The following MCTP2 variants were observed in gnomAD, a reference collection of about 807,000 sequenced individuals.
MCTP2 encodes the protein multiple C2 and transmembrane domain containing 2, also known as multiple C2 and transmembrane domain-containing protein 2.
MCTP2 carries 132 observed loss-of-function variants against 111.6 expected under a neutral mutation model. That is an observed-to-expected ratio of 1.18 (90% CI 1.03 to 1.37). The LOEUF is 1.37. Among genes scored for constraint, MCTP2 ranks in the 40% most tolerant of loss-of-function variants. The pLI, the probability that MCTP2 is intolerant of heterozygous loss-of-function variation, is 0.00. For synonymous variants in MCTP2, 395 were observed against 387.7 expected (o/e 1.02, Z -0.22); for missense variants, 1,183 against 1,067.9 (o/e 1.11, Z -1.50).
intron 21 of MCTP2, among the ~76,000 whole-genome samples, chr15:94,471,759 GAAA>G (rs200725385): frequency 7.6e-6 from 1 of 131,774 alleles, no homozygotes; most frequent in South Asian, 2.4e-4. Context: ...GGCATATTTT[GAAA>G]AAAAAAAAAA....
chr15:94,242,962 TGTATATGTGTATCTACAC>T (rs1219783644), intron 1 of MCTP2, among the ~76,000 whole-genome samples: 6 of 119,738 alleles, frequency 5.0e-5, no homozygotes, highest in African/African-American at 2.0e-4. Context: ...CATATACACG[TGTATATGTGTATCTACAC>T]ATACACGTGT....
chr15:94,339,184 A>G lies in MCTP2; in HGVS notation c.638-106A>G, dbSNP rs2077510714. ...TCTCCGAGCCCTTTAATCTCTGTGC[A>G]GGGAGACATTAGCCTGGGGAGTGGG... On this transcript the variant is annotated intron_variant, in intron 4 of 22. Transcript: ENST00000357742. 9.1e-6 allele frequency: 7 copies of G among 770,226 alleles called. No homozygotes were observed. The Admixed American group carries it at 1.4e-4, about 15-fold the overall frequency. The allele number at this position is 770,226 out of a possible 1,614,324, so 47.7% of individuals were successfully genotyped here.
chr15:94,254,478 A>G (rs73460092), intron 1 of MCTP2, among the ~76,000 whole-genome samples: 2 of 152,234 alleles, frequency 1.3e-5, no homozygotes, highest in African/African-American at 4.8e-5. Context: ...AGCTCTGTTA[A>G]CATTTGTGAG....
chr15:94,264,217 A>G (rs2073370588), intron 1 of MCTP2, among the ~76,000 whole-genome samples: 1 of 152,190 alleles, frequency 6.6e-6, no homozygotes, highest in Admixed American at 6.5e-5. Flanking sequence ...CTCTGGTTTC[A>G]GATGGCCTAG....
At chr15:94,452,327 A>G (rs1299229513) in intron 19 of MCTP2, among the ~76,000 whole-genome samples, 1 of 152,216 alleles carries the variant, frequency 6.6e-6, no homozygotes, top group African/African-American at 2.4e-5. Context: ...TGCTATTAGG[A>G]TGATTAAAAT....
At chr15:94,461,551 A>G (rs923435714) in intron 20 of MCTP2, among the ~76,000 whole-genome samples, 1 of 152,154 alleles carries the variant, frequency 6.6e-6, no homozygotes, top group African/African-American at 2.4e-5. Context: ...CATGTGTTCT[A>G]TCATTATGGA....
intron 1 of MCTP2, among the ~76,000 whole-genome samples, chr15:94,233,295 G>A (rs1488917945): frequency 1.3e-5 from 2 of 151,598 alleles, no homozygotes; most frequent in Non-Finnish European, 2.9e-5. Context: ...ATTTTGAAAG[G>A]CCTTTCAAAA....
At chr15:94,268,018 AC>A (rs1163515266) in intron 1 of MCTP2, among the ~76,000 whole-genome samples, 1 of 150,116 alleles carries the variant, frequency 6.7e-6, no homozygotes, top group Non-Finnish European at 1.5e-5. Context: ...GGTGCCCGCC[AC>A]CACACCTGGC....
At chr15:94,303,105 A>C (rs938718745) in intron 2 of MCTP2, among the ~76,000 whole-genome samples, 5 of 133,046 alleles carry the variant, frequency 3.8e-5, no homozygotes, top group African/African-American at 1.5e-4. Flanking sequence ...TATAGTTTAT[A>C]TATATATATA....
At position 94,356,305 on chromosome 15, in the gene MCTP2, A is replaced by G. The variant is rs1296250166; in HGVS notation, c.1170+4A>G. The stretch of plus-strand genomic sequence containing the variant: ...AGATCAGAGGTATAAAAGTAAGGTA[A>G]GTTCCATCTTTTCCATAAGGAGAAC... On this transcript the variant is annotated splice_donor_region_variant and intron_variant, in intron 9 of 22. Coordinates refer to ENST00000357742, the MANE Select transcript of MCTP2 (RefSeq NM_001385001.1). 6.3e-7 allele frequency: 1 copy of G among 1,576,286 alleles called. No individual in the cohort carries two copies. The highest frequency in any genetic ancestry group is 8.6e-7 in the Non-Finnish European group (1 of 1,163,844).
chr15:94,286,634 T>C (rs567760511), intron 1 of MCTP2, among the ~76,000 whole-genome samples: 2 of 152,350 alleles, frequency 1.3e-5, no homozygotes, highest in African/African-American at 4.8e-5. Flanking sequence ...ACCTCTTTCC[T>C]ACCTTGCGGT....
chr15:94,461,024 T>TGGGGGGG (rs142742586), intron 20 of MCTP2, among the ~76,000 whole-genome samples: 1 of 151,580 alleles, frequency 6.6e-6, no homozygotes, highest in Non-Finnish European at 1.5e-5. Flanking sequence ...TACTGATGGG[T>TGGGGGGG]TGGGGGGGAC....
intron 1 of MCTP2, among the ~76,000 whole-genome samples, chr15:94,235,447 C>T (rs2070475401): frequency 6.6e-6 from 1 of 152,068 alleles, no homozygotes; most frequent in African/African-American, 2.4e-5. Flanking sequence ...GATTCTGGTG[C>T]ATGCTAAAAT....
chr15:94,353,748 A>G (rs1028504791), intron 8 of MCTP2, among the ~76,000 whole-genome samples: 1 of 152,212 alleles, frequency 6.6e-6, no homozygotes, highest in African/African-American at 2.4e-5. Flanking sequence ...AAAAAAAGCA[A>G]AAGGAGGAAT....
intron 14 of MCTP2, among the ~76,000 whole-genome samples, chr15:94,388,565 A>G (rs909974217): frequency 2.6e-5 from 4 of 152,166 alleles, no homozygotes; most frequent in African/African-American, 4.8e-5. Flanking sequence ...GGATCATTCT[A>G]TTTTCAAATA....
intron 1 of MCTP2, among the ~76,000 whole-genome samples, chr15:94,272,595 C>T (rs1287472240): frequency 6.6e-6 from 1 of 152,178 alleles, no homozygotes; most frequent in African/African-American, 2.4e-5. Context: ...ATCTTCATTT[C>T]ACTAAATGGA....
intron 4 of MCTP2, among the ~76,000 whole-genome samples, chr15:94,320,139 ATC>A (rs755175155): frequency 8.5e-6 from 1 of 117,370 alleles, no homozygotes. Flanking sequence ...TAGTTTATTA[ATC>A]TTTTTTTTTT....
intron 9 of MCTP2, 135 bp from the exon 10 acceptor site, chr15:94,358,347 A>G (rs2078741859): frequency 2.7e-6 from 2 of 747,394 alleles, no homozygotes; most frequent in Admixed American, 6.5e-5. Flanking sequence ...CATTCTAAAA[A>G]AAGAAGTTTA....
chr15:94,349,035 T>C (rs2078152688), intron 8 of MCTP2, among the ~76,000 whole-genome samples: 1 of 151,994 alleles, frequency 6.6e-6, no homozygotes, highest in Admixed American at 6.6e-5. Context: ...TATCTACCCG[T>C]CTCTATCTGT....
Sources: allele counts gnomAD v4.1 joint callset (sites outside exome capture counted in the v4.1 genomes callset), GRCh38; gene constraint gnomAD v4.1.1; transcripts MANE v1.5; gene names NCBI Gene and HGNC (gene_info 2026-07-23, HGNC 2026-07-21).